The following SIK2 variants were observed in gnomAD, a reference collection of about 807,000 sequenced individuals.
SIK2 encodes the protein salt inducible kinase 2.
In SIK2, 29 loss-of-function variants were observed where a neutral mutation model predicts 103.2. The observed-to-expected ratio is 0.28, with a 90% confidence interval of 0.21 to 0.38. The LOEUF (loss-of-function observed/expected upper bound fraction) is 0.38. Among genes scored for constraint, SIK2 ranks in the 10% least tolerant of loss-of-function variants. The probability of loss-of-function intolerance (pLI) is 1.00; values close to 1 mark genes in which losing one functional copy is unlikely to be tolerated. For synonymous variants in SIK2, 412 were observed against 446.1 expected (o/e 0.92, Z 0.96); for missense variants, 879 against 1,171.0 (o/e 0.75, Z 3.64).
intron 3 of SIK2, among the ~76,000 whole-genome samples, chr11:111,630,506 AAGG>A (rs1179622841): frequency 6.6e-6 from 1 of 152,168 alleles, no homozygotes; most frequent in East Asian, 1.9e-4. Flanking sequence ...TCAAAAAAAA[AAGG>A]AGAGTTTAGT....
Position 111,632,227 on chromosome 11 carries a change from T to C in SIK2, c.316+11825T>C, listed in dbSNP as rs545748680. On this transcript the variant is annotated intron_variant, in intron 3 of 14. Transcript: ENST00000304987. ...ATCTAAGAGAAGGAACGGTACCTCT[T>C]CCTCGAAGAAAGCAAAACTTTTCTT... Among the ~76,000 whole-genome samples, 7 of 152,274 alleles carry C rather than the reference T, an allele frequency of 4.6e-5. No individual in the cohort carries two copies. In the South Asian group the frequency reaches 1.5e-3, roughly 32 times the overall value.
At chr11:111,618,695 A>C (rs1411655868) in intron 2 of SIK2, among the ~76,000 whole-genome samples, 1 of 152,180 alleles carries the variant, frequency 6.6e-6, no homozygotes, top group Non-Finnish European at 1.5e-5. Context: ...TTAATTAATT[A>C]ATTCAGATTA....
chr11:111,677,023 A>T (rs145427177), intron 3 of SIK2, among the ~76,000 whole-genome samples: 1 of 152,334 alleles, frequency 6.6e-6, no homozygotes, highest in Non-Finnish European at 1.5e-5. Flanking sequence ...AGTCATAGTC[A>T]TCACTTAGAA....
intron 3 of SIK2, among the ~76,000 whole-genome samples, chr11:111,654,388 C>T (rs1169212766): frequency 6.6e-6 from 1 of 152,134 alleles, no homozygotes; most frequent in African/African-American, 2.4e-5. Flanking sequence ...GGAATGTAGA[C>T]TACTTCAAGA....
At chr11:111,677,080 G>A (rs1341910284) in intron 3 of SIK2, among the ~76,000 whole-genome samples, 2 of 152,170 alleles carry the variant, frequency 1.3e-5, no homozygotes, top group African/African-American at 4.8e-5. Context: ...ATAAAAATAG[G>A]TGGGATGAAA....
At chr11:111,713,019 G>C (rs1943544299) in intron 9 of SIK2, among the ~76,000 whole-genome samples, 1 of 152,076 alleles carries the variant, frequency 6.6e-6, no homozygotes, top group Non-Finnish European at 1.5e-5. Context: ...CAAAAAATTA[G>C]CCAGGCGTGG....
intron 3 of SIK2, among the ~76,000 whole-genome samples, chr11:111,629,801 T>A (rs1942013165): frequency 6.6e-6 from 1 of 152,098 alleles, no homozygotes; most frequent in African/African-American, 2.4e-5. Flanking sequence ...TGATTAAAAT[T>A]GAAAAAACTG....
In SIK2 at chr11:111,728,857, G is replaced by A. The variant is rs1944076096; in HGVS notation, c.*4728G>A. 1 of 151,234 alleles carries A rather than the reference G, an allele frequency of 6.6e-6. No individual in the cohort carries two copies. Among genetic ancestry groups the A allele is most frequent in the Admixed American group, 6.6e-5 (1 of 15,210 alleles). 9.4% of individuals were successfully genotyped at this position (151,234 alleles called of 1,614,324 possible). On this transcript the variant is annotated 3_prime_UTR_variant, in exon 15 of 15. Coordinates refer to ENST00000304987, the MANE Select transcript of SIK2 (RefSeq NM_015191.3). Reference sequence around the variant, plus strand: ...GAGAATGGCGTGAACCCGGGAGGTGGAGCTTGCAGTGAGCCAAGATCGTGC... The same window carrying A: ...GAGAATGGCGTGAACCCGGGAGGTGAAGCTTGCAGTGAGCCAAGATCGTGC...
intron 3 of SIK2, among the ~76,000 whole-genome samples, chr11:111,656,661 C>G (rs1565335629): frequency 6.6e-6 from 1 of 152,150 alleles, no homozygotes; most frequent in East Asian, 1.9e-4. Context: ...TCTGAAATGT[C>G]TGTTCTGAAA....
intron 1 of SIK2, among the ~76,000 whole-genome samples, chr11:111,615,401 T>A (rs1784787): frequency 0.59 from 90,173 of 151,684 alleles, 29,936 homozygotes; most frequent in East Asian, 0.96. Flanking sequence ...TTTTCAAAAC[T>A]GATAATTAAA....
intron 3 of SIK2, among the ~76,000 whole-genome samples, chr11:111,662,114 A>G (rs1320399515): frequency 1.3e-5 from 2 of 152,228 alleles, no homozygotes; most frequent in Non-Finnish European, 2.9e-5. Flanking sequence ...GAGCAGAGGA[A>G]TGACATTATG....
intron 1 of SIK2, among the ~76,000 whole-genome samples, chr11:111,614,115 T>G (rs1236228613): frequency 1.4e-5 from 2 of 146,310 alleles, no homozygotes; most frequent in Non-Finnish European, 3.0e-5. Context: ...AGAGTCTCGC[T>G]CTGTCGCCCA....
intron 3 of SIK2, among the ~76,000 whole-genome samples, chr11:111,636,771 T>C (rs141850333): frequency 6.6e-6 from 1 of 152,350 alleles, no homozygotes; most frequent in East Asian, 1.9e-4. Flanking sequence ...GAATTTTAAC[T>C]TGGAAATAAT....
intron 3 of SIK2, among the ~76,000 whole-genome samples, chr11:111,687,144 CT>C (rs1354948649): frequency 6.6e-6 from 1 of 151,992 alleles, no homozygotes; most frequent in Non-Finnish European, 1.5e-5. Flanking sequence ...TTGAGTTGTA[CT>C]GTGAATATTA....
intron 3 of SIK2, among the ~76,000 whole-genome samples, chr11:111,675,020 G>A (rs1163607980): frequency 6.6e-6 from 1 of 152,176 alleles, no homozygotes; most frequent in Admixed American, 6.5e-5. Flanking sequence ...AAAGTGCTGG[G>A]ACTACAGGTG....
At chr11:111,715,793 CTTTTTTTTTTTTT>C (rs535843069) in intron 9 of SIK2, among the ~76,000 whole-genome samples, 1 of 81,580 alleles carries the variant, frequency 1.2e-5, no homozygotes, top group Non-Finnish European at 2.2e-5. Flanking sequence ...TCATTTTTAG[CTTTTTTTTTTTTT>C]TTTTTTTTTT....
chr11:111,683,956 A>G (rs1293517564), intron 3 of SIK2, among the ~76,000 whole-genome samples: 1 of 152,208 alleles, frequency 6.6e-6, no homozygotes, highest in Non-Finnish European at 1.5e-5. Context: ...GGATGCCTAC[A>G]CTGCAGAAAT....
In SIK2 at chr11:111,723,602, C is replaced by A; in HGVS notation, c.2254C>A (p.Pro752Thr). The change falls in exon 15 of 15, where the codon CCC becomes ACC. Residue 752 changes from proline to threonine, a missense_variant. This residue lies in a region of SIK2 where 375 missense variants were observed against 416.3 expected (regional missense o/e 0.90). Coordinates refer to ENST00000304987, the MANE Select transcript of SIK2 (RefSeq NM_015191.3). ...SSYPQPSQQL[P>T]LPRQETPPPS... ...CTACCCACAGCCAAGTCAGCAGCTG[C>A]CCCTTCCCCGCCAGGAGACTCCACC... The A allele has an allele frequency of 6.2e-7, 1 of 1,614,202 alleles. No individual in the cohort carries two copies. The highest frequency in any genetic ancestry group is 8.5e-7 in the Non-Finnish European group (1 of 1,180,044).
intron 3 of SIK2, among the ~76,000 whole-genome samples, chr11:111,660,839 C>CTTTTTTT (rs57174726): frequency 2.2e-5 from 2 of 90,418 alleles, no homozygotes; most frequent in Non-Finnish European, 4.1e-5. Context: ...GTGAAGTTGG[C>CTTTTTTT]TTTTTTTTTT....
Sources: gnomAD v4.1 joint callset for allele counts (sites outside exome capture counted in the v4.1 genomes callset) on GRCh38, gnomAD v4.1.1 for gene constraint, gnomAD v4.1.1 regional missense constraint, MANE v1.5 for transcripts, NCBI Gene and HGNC (gene_info 2026-07-23, HGNC 2026-07-21) for gene names.